GIGYF1: variants seen among roughly 807,000 people sequenced by gnomAD.
GIGYF1 encodes GRB10-interacting GYF protein 1.
In GIGYF1, 84 loss-of-function variants were observed where a neutral mutation model predicts 147.1. That is an observed-to-expected ratio of 0.57 (90% confidence interval 0.48 to 0.68). The LOEUF (loss-of-function observed/expected upper bound fraction) is 0.68, where lower values mean the gene tolerates loss of function less well. Among genes scored for constraint, GIGYF1 ranks in the 30% least tolerant of loss-of-function variants. The probability of loss-of-function intolerance (pLI) is 0.00; values close to 1 mark genes in which losing one functional copy is unlikely to be tolerated. For synonymous variants in GIGYF1, 752 were observed against 589.5 expected (o/e 1.28, Z -3.99); for missense variants, 1,485 against 1,393.7 (o/e 1.07, Z -1.04).
At chr7:100,683,685 G>C in intron 19 of GIGYF1, 53 bp from the exon 20 acceptor site, 9 of 1,571,924 alleles carry the variant, frequency 5.7e-6, no homozygotes, top group African/African-American at 1.3e-5. Flanking sequence ...TGGGCCCACT[G>C]ATCTAGTCCA....
rs1314206244 is a variant in GIGYF1 at position 100,680,701 on chromosome 7, CCCT to C, written c.*1015_*1017del. ...GCCACCCACTCCTTGCCTTTGAGGC[CCCT>C]CCTCCTGCCCCCTTCACTGGAGAAA... On this transcript the variant is annotated 3_prime_UTR_variant, in exon 27 of 27. Coordinates refer to ENST00000678049, the MANE Select transcript of GIGYF1 (RefSeq NM_001375765.1). 6.5e-6 allele frequency: 1 copy of C among 152,742 alleles called. No individual in the cohort carries two copies. Among genetic ancestry groups the C allele is most frequent in the African/African-American group, 2.4e-5 (1 of 41,472 alleles). The allele number at this position is 152,742 out of a possible 1,614,324, so 9.5% of individuals were successfully genotyped here.
At chr7:100,690,269 T>C (rs1180751907) in intron 1 of GIGYF1, among the ~76,000 whole-genome samples, 1 of 152,134 alleles carries the variant, frequency 6.6e-6, no homozygotes, top group African/African-American at 2.4e-5. Context: ...AGAGGCCATT[T>C]TGGGCCTCCT....
At chr7:100,685,531 C>T (rs200139039) in intron 12 of GIGYF1, 50 bp from the exon 13 acceptor site, 197 of 1,578,138 alleles carry the variant, frequency 1.2e-4, no homozygotes, top group Middle Eastern at 2.1e-4. Flanking sequence ...GGGCCTGCCA[C>T]GCGAGTTAGC....
At position 100,686,355 on chromosome 7, in the gene GIGYF1, C is replaced by G; in HGVS notation, c.773G>C (p.Arg258Pro). Residue 258 changes from arginine (R) to proline (P), a missense_variant, in exon 11 of 27, where the codon CGA (arginine) becomes CCA (proline). Transcript: ENST00000678049. ...RKFEFDLRGD[R>P]GGCGEEEGRG... ...CCCCTCCTCTTCACCACACCCTCCT[C>G]GATCCCCTCGCAAATCAAATTCAAA... The G allele has an allele frequency of 6.2e-7, 1 of 1,612,950 alleles. No homozygotes were observed. Among genetic ancestry groups the G allele is most frequent in the South Asian group, 1.1e-5 (1 of 90,988 alleles).
Position 100,688,028 on chromosome 7 carries a change from G to T in GIGYF1, c.118C>A (p.Arg40Ser). Residue 40 changes from arginine (R) to serine (S), a missense_variant, in exon 5 of 27, where the codon CGT (arginine) becomes AGT (serine). Arg to Ser is a moderately radical substitution (Grantham distance 110). Coordinates refer to ENST00000678049, the MANE Select transcript of GIGYF1 (RefSeq NM_001375765.1). ...AMPKYKLADY[R>S]YGREEMLALY... ...GCCAGCATTTCCTCTCGCCCATAACGGTAGTCAGCCAGCTTGTATTTGGGC... is the reference window on the plus strand; with the variant it reads ...GCCAGCATTTCCTCTCGCCCATAACTGTAGTCAGCCAGCTTGTATTTGGGC... 1 of 1,613,680 alleles carries T rather than the reference G, an allele frequency of 6.2e-7. No homozygotes were observed. The highest frequency in any genetic ancestry group is 8.5e-7 in the Non-Finnish European group (1 of 1,179,816).
Position 100,693,688 on chromosome 7 carries a change from CA to C in GIGYF1, c.-1099+421del, listed in dbSNP as rs1446973531. ...CTAGGACGCTAGGGTCGGGGGCCCC[CA>C]GGCGGCCCAGGGCAGGGCTTGGCAG... On this transcript the variant is annotated intron_variant, in intron 1 of 26. Coordinates refer to ENST00000678049, the MANE Select transcript of GIGYF1 (RefSeq NM_001375765.1). 4.3e-4 allele frequency among the ~76,000 whole-genome samples: 66 copies of C among 152,118 alleles called. 1 individual carries two copies. The highest frequency in any genetic ancestry group is 3.8e-3 in the Admixed American group (58 of 15,290).
In GIGYF1 at chr7:100,686,015, T is replaced by C. The variant is rs1805296360; in HGVS notation, c.1013A>G (p.Glu338Gly). 2.5e-6 allele frequency: 4 copies of C among 1,612,074 alleles called. No individual in the cohort carries two copies. Among genetic ancestry groups the C allele is most frequent in the Non-Finnish European group, 2.5e-6 (3 of 1,179,794 alleles). The stretch of plus-strand genomic sequence containing the variant: ...CTCCTCTAGCCCTTCGGAAGGTTCC[T>C]CCTCCTCCTCCAACCCTTGGAAGTC... ...ELDFQGLEEEEEPSEGLEEEG... is the reference protein window; with the variant it reads ...ELDFQGLEEEGEPSEGLEEEG... The change falls in exon 12 of 27, where the codon GAG (glutamate) becomes GGG (glycine). Residue 338 changes from glutamate (E) to glycine (G), a missense_variant. By Grantham distance (98) the Glu-to-Gly change is moderately conservative (BLOSUM62 -2). Coordinates refer to ENST00000678049, the MANE Select transcript of GIGYF1 (RefSeq NM_001375765.1).
In GIGYF1 at chr7:100,680,784, CAG is replaced by C. The variant is rs1491107727; in HGVS notation, c.*933_*934del. ...AGCAATCATCCACCCCCGCCGCTCA[CAG>C]GGGTGAGGCAGCTCAGGCAGGGGTG... On this transcript the variant is annotated 3_prime_UTR_variant, in exon 27 of 27. Coordinates refer to ENST00000678049, the MANE Select transcript of GIGYF1 (RefSeq NM_001375765.1). The C allele has an allele frequency of 1.3e-5, 2 of 152,934 alleles. No homozygotes were observed. The highest frequency in any genetic ancestry group is 2.4e-5 in the African/African-American group (1 of 41,574). The allele number at this position is 152,934 out of a possible 1,614,324, so 9.5% of individuals were successfully genotyped here.
chr7:100,681,597 G>T lies in GIGYF1; in HGVS notation c.*122C>A. On this transcript the variant is annotated 3_prime_UTR_variant, in exon 27 of 27. Transcript: ENST00000678049. ...GGTGCATCGTGTGTTTGTAACAAGTGCTGGGGACCCCGCCCCTGCCTCTTC... is the reference window on the plus strand; with the variant it reads ...GGTGCATCGTGTGTTTGTAACAAGTTCTGGGGACCCCGCCCCTGCCTCTTC... 1 of 822,242 alleles carries T rather than the reference G, an allele frequency of 1.2e-6. No homozygotes were observed. Among genetic ancestry groups the T allele is most frequent in the Non-Finnish European group, 1.8e-6 (1 of 552,214 alleles). 50.9% of individuals were successfully genotyped at this position (822,242 alleles called of 1,614,324 possible).
In GIGYF1 at chr7:100,688,034, C is replaced by A; in HGVS notation, c.112G>T (p.Asp38Tyr). The A allele has an allele frequency of 6.2e-7, 1 of 1,613,634 alleles. No individual in the cohort carries two copies. The highest frequency in any genetic ancestry group is 8.5e-7 in the Non-Finnish European group (1 of 1,179,782). ...SPAMPKYKLADYRYGREEMLA... is the reference protein window; with the variant it reads ...SPAMPKYKLAYYRYGREEMLA... ...ATTTCCTCTCGCCCATAACGGTAGT[C>A]AGCCAGCTTGTATTTGGGCATGGCA... Residue 38 changes from aspartate to tyrosine, a missense_variant, in exon 5 of 27, where the codon GAC (aspartate) becomes TAC (tyrosine). By Grantham distance (160) the Asp-to-Tyr change is radical. Coordinates refer to ENST00000678049, the MANE Select transcript of GIGYF1 (RefSeq NM_001375765.1).
In GIGYF1 at chr7:100,683,356, T is replaced by G; in HGVS notation, c.2141A>C (p.Gln714Pro). 1 of 1,613,252 alleles carries G rather than the reference T, an allele frequency of 6.2e-7. No individual in the cohort carries two copies. The highest frequency in any genetic ancestry group is 8.5e-7 in the Non-Finnish European group (1 of 1,179,716). Residue 714 changes from glutamine (Q) to proline (P), a missense_variant, in exon 21 of 27, where the codon CAG becomes CCG. Physicochemically the swap from Gln to Pro is moderately conservative, Grantham distance 76. Coordinates refer to ENST00000678049, the MANE Select transcript of GIGYF1 (RefSeq NM_001375765.1). Reference protein sequence around the residue: ...RREEKRRQQQQEEQKRRQEEE... With the variant: ...RREEKRRQQQPEEQKRRQEEE... ...CTCCTGCCGCCGCTTCTGCTCCTCC[T>G]GCTGCTGCTGGCGGCGCTTCTCCTC...
chr7:100,687,028 C>T lies in GIGYF1; in HGVS notation c.501G>A (p.Glu167=). 1 of 1,613,912 alleles carries T rather than the reference C, an allele frequency of 6.2e-7. No homozygotes were observed. Among genetic ancestry groups the T allele is most frequent in the Non-Finnish European group, 8.5e-7 (1 of 1,180,010 alleles). The change falls in exon 9 of 27, where the codon GAG becomes GAA. Residue 167 remains glutamate, a synonymous_variant. Coordinates refer to ENST00000678049, the MANE Select transcript of GIGYF1 (RefSeq NM_001375765.1). ...TACCTCCATCCCGCCTTGCTGACTT[C>T]TCAAACCGCCTCTCGCCTCTGCAGC... ...SWDDRGERRF[E]KSARRDGARC...
In GIGYF1 at chr7:100,683,434, C is replaced by T. The variant is rs1018101116; in HGVS notation, c.2063G>A (p.Arg688His). Reference protein sequence around the residue: ...QLQLQHKFQERREVELRAKRE... With the variant: ...QLQLQHKFQEHREVELRAKRE... ...CTTCGCCCTGAGCTCCACTTCTCTG[C>T]GCTCCTGGAACTGAGACCAGTGGCC... The change falls in exon 21 of 27, where the codon CGC becomes CAC. Residue 688 changes from arginine to histidine, a missense_variant. Physicochemically the swap from Arg to His is conservative, Grantham distance 29. Coordinates refer to ENST00000678049, the MANE Select transcript of GIGYF1 (RefSeq NM_001375765.1). 1.9e-6 allele frequency: 3 copies of T among 1,614,044 alleles called. No homozygotes were observed. The highest frequency in any genetic ancestry group is 1.1e-5 in the South Asian group (1 of 91,084).
chr7:100,681,704 G>A lies in GIGYF1; in HGVS notation c.*15C>T. The A allele has an allele frequency of 6.5e-7, 1 of 1,538,948 alleles. No homozygotes were observed. The highest frequency in any genetic ancestry group is 8.7e-7 in the Non-Finnish European group (1 of 1,143,372). On this transcript the variant is annotated 3_prime_UTR_variant, in exon 27 of 27. Transcript: ENST00000678049. ...TGCCCTGGCCTACAGCCCAGGGGCT[G>A]GGGGTCCGGGCTGGTCAGTAGTCAT...
chr7:100,683,582 G>T lies in GIGYF1; in HGVS notation c.2020C>A (p.Pro674Thr), dbSNP rs140654721. 13 of 1,614,090 alleles carry T rather than the reference G, an allele frequency of 8.1e-6. No homozygotes were observed. The African/African-American group carries it at 1.5e-4, about 18-fold the overall frequency. The change falls in exon 20 of 27, where the codon CCA becomes ACA. Residue 674 changes from proline (P) to threonine (T), a missense_variant. Physicochemically the swap from Pro to Thr is conservative, Grantham distance 38. Transcript: ENST00000678049. ...TGCAGCTGGAGTTGTTCTAGAATTG[G>T]ACCCTGAGTCGAAGAGTTAATTGGT... Reference protein sequence around the residue: ...DIPINSSTQGPILEQLQLQHK... With the variant: ...DIPINSSTQGTILEQLQLQHK...
At chr7:100,691,727 C>G (rs1223050986) in intron 1 of GIGYF1, among the ~76,000 whole-genome samples, 1 of 152,090 alleles carries the variant, frequency 6.6e-6, no homozygotes, top group Non-Finnish European at 1.5e-5. Flanking sequence ...CCTCAAGCCT[C>G]GGCCTACTTC....
intron 1 of GIGYF1, among the ~76,000 whole-genome samples, chr7:100,690,320 G>A (rs759456280): frequency 2.6e-4 from 39 of 152,172 alleles, no homozygotes; most frequent in Non-Finnish European, 5.0e-4. Flanking sequence ...TCATCCTGGA[G>A]GCATGAGGGT....
Position 100,681,754 on chromosome 7 carries a change from A to G in GIGYF1, c.3073T>C (p.Ser1025Pro), listed in dbSNP as rs770926718. ...TCCACGCTCTCGATCTCACCAGAAGATCCGTGCAGGGAGTACCCTGAAGCC... is the reference window on the plus strand; with the variant it reads ...TCCACGCTCTCGATCTCACCAGAAGGTCCGTGCAGGGAGTACCCTGAAGCC... ...PSILGYSLHG[S>P]SGEIESVDDY The change falls in exon 27 of 27, where the codon TCT becomes CCT. Residue 1025 changes from serine (S) to proline (P), a missense_variant. Physicochemically the swap from Ser to Pro is moderately conservative, Grantham distance 74. Coordinates refer to ENST00000678049, the MANE Select transcript of GIGYF1 (RefSeq NM_001375765.1). 1 of 1,584,420 alleles carries G rather than the reference A, an allele frequency of 6.3e-7. No homozygotes were observed. The highest frequency in any genetic ancestry group is 1.3e-5 in the African/African-American group (1 of 74,388).
chr7:100,681,735 C>T lies in GIGYF1; in HGVS notation c.3092G>A (p.Ser1031Asn). ...SLHGSSGEIE[S>N]VDDY is the part of the protein sequence containing the mutation. ...CCGGGCTGGTCAGTAGTCATCCACGCTCTCGATCTCACCAGAAGATCCGTG... is the reference window on the plus strand; with the variant it reads ...CCGGGCTGGTCAGTAGTCATCCACGTTCTCGATCTCACCAGAAGATCCGTG... The change falls in exon 27 of 27, where the codon AGC (serine) becomes AAC (asparagine). Residue 1031 changes from serine (S) to asparagine (N), a missense_variant. By Grantham distance (46) the Ser-to-Asn change is conservative. Transcript: ENST00000678049. 6.3e-7 allele frequency: 1 copy of T among 1,576,536 alleles called. No homozygotes were observed. Among genetic ancestry groups the T allele is most frequent in the East Asian group, 2.2e-5 (1 of 44,600 alleles).
Sources: gnomAD v4.1 joint callset for allele counts (sites outside exome capture counted in the v4.1 genomes callset) on GRCh38, gnomAD v4.1.1 for gene constraint, MANE v1.5 for transcripts, NCBI Gene and HGNC (gene_info 2026-07-23, HGNC 2026-07-21) for gene names.